Variants in ATP1A1 observed in about 807,000 individuals in gnomAD.
The protein encoded by ATP1A1 is sodium/potassium-transporting ATPase subunit alpha-1.
In ATP1A1, 14 loss-of-function variants were observed where a neutral mutation model predicts 114.8. The observed-to-expected ratio is 0.12, with a 90% CI of 0.08 to 0.19. ATP1A1 has a LOEUF of 0.19. Among genes scored for constraint, ATP1A1 ranks in the 10% least tolerant of loss-of-function variants. The probability of loss-of-function intolerance (pLI) is 1.00; values close to 1 mark genes in which losing one functional copy is unlikely to be tolerated. For missense variants in ATP1A1, 524 were observed against 1,290.7 expected, an observed-to-expected ratio of 0.41 and a Z score of 9.10; for synonymous variants, 471 against 466.3, an observed-to-expected ratio of 1.01 and a Z score of -0.13.
At chr1:116,403,716 T>C (rs1653729613) in intron 21 of ATP1A1, among the ~76,000 whole-genome samples, 168 bp from the exon 22 acceptor site, 1 of 152,226 alleles carries the variant, frequency 6.6e-6, no homozygotes. Context: ...GCAATCTGTT[T>C]TAAGACATTT....
intron 1 of ATP1A1, chr1:116,374,096 C>T: frequency 1.4e-6 from 2 of 1,466,518 alleles, no homozygotes; most frequent in Non-Finnish European, 1.8e-6. Context: ...GGCTCCTTCT[C>T]CTGGGGACGC....
In ATP1A1 at chr1:116,384,143, A is replaced by C. The variant is rs771048957; in HGVS notation, c.123+19A>C. 22 of 1,585,122 alleles carry C rather than the reference A, an allele frequency of 1.4e-5. No homozygotes were observed. The South Asian group carries it at 2.4e-4, about 18-fold the overall frequency. Reference sequence around the variant, plus strand: ...TTCTATGGTAAGTACTAGGAGGAATATTGTATTCCATCCTTATTAAAAATC... The same window carrying C: ...TTCTATGGTAAGTACTAGGAGGAATCTTGTATTCCATCCTTATTAAAAATC... On this transcript the variant is annotated intron_variant, in intron 2 of 22. Coordinates refer to ENST00000295598, the MANE Select transcript of ATP1A1 (RefSeq NM_000701.8). This position sits in a 1 kb window ranked among gnomAD's most constrained non-coding sequence, Gnocchi z 5.1.
rs553212641 is a variant in ATP1A1 at position 116,395,592 on chromosome 1, T to A, written c.1836+307T>A. Among the ~76,000 whole-genome samples, 12 of 152,360 alleles carry A rather than the reference T, an allele frequency of 7.9e-5. No homozygotes were observed. The highest frequency in any genetic ancestry group is 7.8e-4 in the Admixed American group (12 of 15,306). Reference sequence around the variant, plus strand: ...CATTATTCTAAGTTAATGTACCTTATGCAATGAATGGCATATCTTCTGTGT... The same window carrying A: ...CATTATTCTAAGTTAATGTACCTTAAGCAATGAATGGCATATCTTCTGTGT... On this transcript the variant is annotated intron_variant, in intron 13 of 22. Coordinates refer to ENST00000295598, the MANE Select transcript of ATP1A1 (RefSeq NM_000701.8). The surrounding 1 kb of genome is among the most constrained non-coding windows in gnomAD (Gnocchi z 6.4).
At chr1:116,400,717 G>A in intron 18 of ATP1A1, 144 bp from the exon 19 acceptor site, 1 of 1,002,080 alleles carries the variant, frequency 1.0e-6, no homozygotes, top group Non-Finnish European at 1.5e-6. Context: ...GAGTGACCAG[G>A]CAATTCTTTC....
At position 116,401,935 on chromosome 1, in the gene ATP1A1, CACTCAGGT is replaced by C; in HGVS notation, c.2951+281_2951+288del. Reference sequence around the variant, plus strand: ...CTGCTCAACAGCGAACTGCATTGAGCACTCAGGTCTGCCACAGCTGTAGTCCAGTTGTC... The same window carrying C: ...CTGCTCAACAGCGAACTGCATTGAGCCTGCCACAGCTGTAGTCCAGTTGTC... On this transcript the variant is annotated intron_variant, in intron 21 of 22. Coordinates refer to ENST00000295598, the MANE Select transcript of ATP1A1 (RefSeq NM_000701.8). This position sits in a 1 kb window ranked among gnomAD's most constrained non-coding sequence, Gnocchi z 4.7. 2.4e-6 allele frequency: 1 copy of C among 419,648 alleles called. No homozygotes were observed. The highest frequency in any genetic ancestry group is 3.5e-5 in the South Asian group (1 of 28,970). 26.0% of individuals were successfully genotyped at this position (419,648 alleles called of 1,614,324 possible).
Position 116,374,152 on chromosome 1 carries a change from G to GA in ATP1A1, c.12+635dup, listed in dbSNP as rs1170414878. On this transcript the variant is annotated intron_variant, in intron 1 of 22. Transcript: ENST00000295598. ...GCAGAGGCGGCCGCCCTCCCCCAAAGAAAAAACTGGCTGCTTCTAAGTGCG... is the reference window on the plus strand; with the variant it reads ...GCAGAGGCGGCCGCCCTCCCCCAAAGAAAAAAACTGGCTGCTTCTAAGTGCG... The GA allele has an allele frequency of 3.2e-6, 5 of 1,548,924 alleles. No homozygotes were observed. The Admixed American group carries it at 5.9e-5, about 18-fold the overall frequency.
At chr1:116,396,436 T>C (rs535755377) in intron 13 of ATP1A1, among the ~76,000 whole-genome samples, 162 bp from the exon 14 acceptor site, 72 of 152,318 alleles carry the variant, frequency 4.7e-4, no homozygotes, top group Non-Finnish European at 8.4e-4. Context: ...TATATGTTTA[T>C]ATTTTTGGCT....
chr1:116,384,926 CAG>C lies in ATP1A1; in HGVS notation c.183+85_183+86del, dbSNP rs767498208. The C allele has an allele frequency of 4.5e-6, 6 of 1,334,532 alleles. No homozygotes were observed. Among genetic ancestry groups the C allele is most frequent in the Non-Finnish European group, 6.4e-6 (6 of 932,468 alleles). The allele number at this position is 1,334,532 out of a possible 1,614,324, so 82.7% of individuals were successfully genotyped here. ...CCTGTATTACATACAGGTCTAACCTCAGGGGCTCTAGTAAGAAAATGACAGAC... is the reference window on the plus strand; with the variant it reads ...CCTGTATTACATACAGGTCTAACCTCGGGCTCTAGTAAGAAAATGACAGAC... On this transcript the variant is annotated intron_variant, in intron 3 of 22. Coordinates refer to ENST00000295598, the MANE Select transcript of ATP1A1 (RefSeq NM_000701.8). This position sits in a 1 kb window ranked among gnomAD's most constrained non-coding sequence, Gnocchi z 5.1.
At chr1:116,390,058 C>T (rs1381600601) in intron 8 of ATP1A1, 155 bp from the exon 9 acceptor site, 26 of 788,886 alleles carry the variant, frequency 3.3e-5, no homozygotes. Context: ...GGGGAAGCCT[C>T]ATGTATGGGT....
rs1444488629 is a variant in ATP1A1 at position 116,388,740 on chromosome 1, G to C, written c.604G>C (p.Asp202His). 1 of 1,614,190 alleles carries C rather than the reference G, an allele frequency of 6.2e-7. No individual in the cohort carries two copies. ...AAAAGGAGGAGACCGAATTCCTGCT[G>C]ACCTCAGAATCATATCTGCAAATGG... Reference protein sequence around the residue: ...EVKGGDRIPADLRIISANGCK... With the variant: ...EVKGGDRIPAHLRIISANGCK... Residue 202 changes from aspartate to histidine, a missense_variant, in exon 6 of 23, where the codon GAC becomes CAC. Physicochemically the swap from Asp to His is moderately conservative, Grantham distance 81. Coordinates refer to ENST00000295598, the MANE Select transcript of ATP1A1 (RefSeq NM_000701.8). This position sits in a 1 kb window ranked among gnomAD's most constrained non-coding sequence, Gnocchi z 5.6.
At chr1:116,396,816 G>T in intron 14 of ATP1A1, 82 bp downstream of exon 14, 1 of 1,446,748 alleles carries the variant, frequency 6.9e-7, no homozygotes, top group Non-Finnish European at 9.2e-7. Flanking sequence ...GTTCTATAAT[G>T]GTTTGCATCT....
At position 116,390,766 on chromosome 1, in the gene ATP1A1, T is replaced by G. The variant is rs1652403813; in HGVS notation, c.1223-16T>G. 1 of 1,605,634 alleles carries G rather than the reference T, an allele frequency of 6.2e-7. No individual in the cohort carries two copies. Reference sequence around the variant, plus strand: ...TAATGCATTGTTGTTCTGTTGTGTTTTCTTGCCTCCATCAGGTGTCTCTTT... The same window carrying G: ...TAATGCATTGTTGTTCTGTTGTGTTGTCTTGCCTCCATCAGGTGTCTCTTT... On this transcript the variant is annotated splice_polypyrimidine_tract_variant and intron_variant, in intron 9 of 22. Transcript: ENST00000295598.
In ATP1A1 at chr1:116,373,244, G is replaced by GGAGCTGCGGCGGGGTCTGGGGCGCA. The variant is rs1570935533; in HGVS notation, c.-263_-239dup. ...AGGAAGTGAGGAGGAGGCGCGGGCTGGAGCTGCGGCGGGGTCTGGGGCGCA... is the reference window on the plus strand; with the variant it reads ...AGGAAGTGAGGAGGAGGCGCGGGCTGGAGCTGCGGCGGGGTCTGGGGCGCAGAGCTGCGGCGGGGTCTGGGGCGCA... On this transcript the variant is annotated 5_prime_UTR_variant, in exon 1 of 23. Coordinates refer to ENST00000295598, the MANE Select transcript of ATP1A1 (RefSeq NM_000701.8). 2.8e-6 allele frequency: 1 copy of GGAGCTGCGGCGGGGTCTGGGGCGCA among 359,318 alleles called. No homozygotes were observed. The highest frequency in any genetic ancestry group is 4.8e-5 in the Admixed American group (1 of 20,892). 22.3% of individuals were successfully genotyped at this position (359,318 alleles called of 1,614,324 possible).
At chr1:116,394,224 A>G (rs145496952) in intron 12 of ATP1A1, among the ~76,000 whole-genome samples, 136 of 152,108 alleles carry the variant, frequency 8.9e-4, no homozygotes, top group African/African-American at 3.2e-3. Context: ...GATGCTACCT[A>G]TTTTTTTCTA....
Position 116,399,051 on chromosome 1 carries a change from C to G in ATP1A1, c.2415C>G (p.Val805=), listed in dbSNP as rs1570975540. 6.2e-7 allele frequency: 1 copy of G among 1,614,160 alleles called. No individual in the cohort carries two copies. The highest frequency in any genetic ancestry group is 2.2e-5 in the East Asian group (1 of 44,882). The change falls in exon 17 of 23, where the codon GTC becomes GTG. Residue 805 remains valine (V), a synonymous_variant. Transcript: ENST00000295598. The surrounding 1 kb of genome is among the most constrained non-coding windows in gnomAD (Gnocchi z 5.0). ...IANIPLPLGT[V]TILCIDLGTD... is the part of the protein sequence containing the mutation. Reference sequence around the variant, plus strand: ...ACATTCCACTACCACTGGGGACTGTCACCATCCTCTGCATTGACTTGGGCA... The same window carrying G: ...ACATTCCACTACCACTGGGGACTGTGACCATCCTCTGCATTGACTTGGGCA...
chr1:116,377,431 T>A (rs1370830989), intron 1 of ATP1A1, among the ~76,000 whole-genome samples: 1 of 152,208 alleles, frequency 6.6e-6, no homozygotes, highest in Non-Finnish European at 1.5e-5. Flanking sequence ...TGAGAACATA[T>A]TAAGGTTTGA....
chr1:116,392,547 C>A, intron 10 of ATP1A1: 1 of 232,370 alleles, frequency 4.3e-6, no homozygotes, highest in Non-Finnish European at 8.3e-6. Context: ...TAGAAATAGA[C>A]TGCAGTAGGT....
In ATP1A1 at chr1:116,373,403, C is replaced by T; in HGVS notation, c.-109C>T. ...TCCCGCCCCGCGGCAGCCCTAGCTC[C>T]CTCCACTTGGCTCCCCTGGTCCCGC... is the stretch of plus-strand genomic sequence containing the variant. On this transcript the variant is annotated 5_prime_UTR_variant, in exon 1 of 23. Transcript: ENST00000295598. The T allele has an allele frequency of 1.7e-6, 2 of 1,164,050 alleles. No homozygotes were observed. Among genetic ancestry groups the T allele is most frequent in the Non-Finnish European group, 2.4e-6 (2 of 850,916 alleles). The allele number at this position is 1,164,050 out of a possible 1,614,324, so 72.1% of individuals were successfully genotyped here.
intron 18 of ATP1A1, 137 bp from the exon 19 acceptor site, chr1:116,400,724 T>C: frequency 5.5e-6 from 6 of 1,099,826 alleles, no homozygotes; most frequent in Non-Finnish European, 7.8e-6. Flanking sequence ...CAGGCAATTC[T>C]TTCCTGTGCT....
Sources: gnomAD v4.1 joint callset for allele counts (sites outside exome capture counted in the v4.1 genomes callset) on GRCh38, gnomAD v4.1.1 for gene constraint, Gnocchi (gnomAD v3.1) non-coding constraint, MANE v1.5 for transcripts, NCBI Gene and HGNC (gene_info 2026-07-23, HGNC 2026-07-21) for gene names.